The following L3HYPDH variants were observed in gnomAD, a reference collection of about 807,000 sequenced individuals.
L3HYPDH encodes trans-L-3-hydroxyproline dehydratase.
Under a neutral mutation model 26.5 loss-of-function variants are expected in L3HYPDH, and 32 were observed. The ratio of observed to expected loss-of-function variants is 1.21; its 90% CI spans 0.91 to 1.62. The LOEUF is 1.62. Ranked by LOEUF, L3HYPDH falls within the 40% of genes most tolerant of loss-of-function variation. L3HYPDH has a pLI of 0.00. For missense variants in L3HYPDH, 554 were observed against 476.4 expected, an observed-to-expected ratio of 1.16 and a Z score of -1.52; for synonymous variants, 215 against 196.6, an observed-to-expected ratio of 1.09 and a Z score of -0.78.
At chr14:59,484,852 T>C, upstream of L3HYPDH, 1 of 1,088,418 alleles carries the variant, frequency 9.2e-7, no homozygotes, top group Non-Finnish European at 1.3e-6. Flanking sequence ...GTCTCTTCAG[T>C]CCCTTAGTTT....
chr14:59,467,708 C>T (rs76757558), downstream of L3HYPDH, among the ~76,000 whole-genome samples: 3 of 152,200 alleles, frequency 2.0e-5, no homozygotes, highest in Non-Finnish European at 4.4e-5. Context: ...GCATCTCTCT[C>T]CTTGATGTGC....
the L3HYPDH span, among the ~76,000 whole-genome samples, chr14:59,490,706 T>A: frequency 3.9e-5 from 6 of 152,346 alleles, no homozygotes; most frequent in South Asian, 1.0e-3. Flanking sequence ...AAAAATACTT[T>A]AAAAATAGCA....
the L3HYPDH span, among the ~76,000 whole-genome samples, chr14:59,494,267 G>A: frequency 2.6e-5 from 4 of 151,624 alleles, no homozygotes; most frequent in African/African-American, 7.3e-5. Context: ...CAAAGAAAGT[G>A]AAAATTGAGC....
chr14:59,487,252 T>C (rs1890656171), upstream of L3HYPDH: 1 of 155,126 alleles, frequency 6.4e-6, no homozygotes, highest in Non-Finnish European at 1.4e-5. Context: ...GGCATTAATA[T>C]AGTCATTGTT....
the L3HYPDH span, chr14:59,501,406 T>C: frequency 1.7e-6 from 1 of 592,624 alleles, no homozygotes; most frequent in Non-Finnish European, 2.9e-6. Context: ...TGGTAGCTTT[T>C]GGCTTGTTAA....
At chr14:59,470,060 T>A (rs924797487), downstream of L3HYPDH, among the ~76,000 whole-genome samples, 3 of 152,154 alleles carry the variant, frequency 2.0e-5, no homozygotes, top group Admixed American at 2.0e-4. Context: ...TGTTTTATGT[T>A]TTTGGTTTTC....
chr14:59,485,118 T>G (rs755958108), upstream of L3HYPDH: 11 of 1,598,324 alleles, frequency 6.9e-6, no homozygotes, highest in African/African-American at 1.5e-4. Context: ...TTTTGCTTAG[T>G]AAGTGATAGG....
chr14:59,490,035 A>G, the L3HYPDH span, among the ~76,000 whole-genome samples: 1 of 152,028 alleles, frequency 6.6e-6, no homozygotes, highest in Non-Finnish European at 1.5e-5. Flanking sequence ...TGATCTTCCC[A>G]TCTCAGCCTT....
the L3HYPDH span, among the ~76,000 whole-genome samples, chr14:59,503,370 C>T: frequency 6.6e-6 from 1 of 152,116 alleles, no homozygotes; most frequent in African/African-American, 2.4e-5. Flanking sequence ...AAAAGAAAAT[C>T]AGAGTGTTCA....
the L3HYPDH span, chr14:59,495,225 G>C: frequency 1.3e-6 from 2 of 1,590,360 alleles, no homozygotes; most frequent in Non-Finnish European, 1.7e-6. Context: ...TCTACCCACT[G>C]TAAGTGTTTA....
upstream of L3HYPDH, among the ~76,000 whole-genome samples, chr14:59,489,301 T>C (rs991254917): frequency 2.0e-5 from 3 of 152,256 alleles, no homozygotes; most frequent in Admixed American, 6.5e-5. Flanking sequence ...TAATGATTTC[T>C]TCCACTAGAT....
Position 59,484,142 on chromosome 14 carries a change from C to T in L3HYPDH, c.175G>A (p.Asp59Asn), listed in dbSNP as rs1242891889. The part of the protein sequence containing the change: ...AKRRYMRQHL[D>N]HVRRRLMFEP... ...AACATGAGCCGTCGCCGCACGTGGT[C>T]AAGGTGCTGGCGCATGTAGCGCCGC... is the stretch of plus-strand genomic sequence containing the variant. The change falls in exon 1 of 5, where the codon GAC (aspartate) becomes AAC (asparagine). Residue 59 changes from aspartate to asparagine, a missense_variant. Transcript: ENST00000247194. 1 of 1,601,872 alleles carries T rather than the reference C, an allele frequency of 6.2e-7. No individual in the cohort carries two copies. Among genetic ancestry groups the T allele is most frequent in the Non-Finnish European group, 8.5e-7 (1 of 1,179,242 alleles).
At chr14:59,500,292 AGTTAACATTTGAAATTGTTCCAAAT>A in the L3HYPDH span, among the ~76,000 whole-genome samples, 1 of 152,212 alleles carries the variant, frequency 6.6e-6, no homozygotes, top group East Asian at 1.9e-4. Context: ...CTGAATCCTG[AGTTAACATTTGAAATTGTTCCAAAT>A]GGGTTCTACT....
At chr14:59,485,067 GGAAAT>G, upstream of L3HYPDH, 1 of 1,598,410 alleles carries the variant, frequency 6.3e-7, no homozygotes, top group South Asian at 1.1e-5. Flanking sequence ...GTTCGCTAAA[GGAAAT>G]GAAAGGAGAA....
chr14:59,496,242 A>G, the L3HYPDH span, among the ~76,000 whole-genome samples: 3 of 150,934 alleles, frequency 2.0e-5, no homozygotes, highest in African/African-American at 7.3e-5. Flanking sequence ...AAATTATTTT[A>G]TAGATATATA....
the L3HYPDH span, among the ~76,000 whole-genome samples, chr14:59,500,185 ACTGT>A: frequency 1.3e-5 from 2 of 152,166 alleles, no homozygotes; most frequent in African/African-American, 4.8e-5. Flanking sequence ...GGACCTAATA[ACTGT>A]CTATGAAATA....
At chr14:59,483,467 C>A in intron 1 of L3HYPDH, 1 of 1,198,996 alleles carries the variant, frequency 8.3e-7, no homozygotes. Context: ...CTGTTCTTCG[C>A]TCTTTCCTTG....
At chr14:59,484,630 T>C, upstream of L3HYPDH, 1 of 1,572,772 alleles carries the variant, frequency 6.4e-7, no homozygotes, top group Middle Eastern at 1.7e-4. Flanking sequence ...GCGTTTCTGG[T>C]AGTCCCGACT....
intron 2 of L3HYPDH, 69 bp from the exon 3 acceptor site, chr14:59,476,283 GGGT>G (rs1889626875): frequency 3.4e-6 from 4 of 1,190,380 alleles, no homozygotes; most frequent in Non-Finnish European, 4.7e-6. Context: ...TAATGCAGAT[GGGT>G]CATTCTTAGA....
Sources: allele counts gnomAD v4.1 joint callset (sites outside exome capture counted in the v4.1 genomes callset), GRCh38; gene constraint gnomAD v4.1.1; transcripts MANE v1.5; gene names NCBI Gene and HGNC (gene_info 2026-07-23, HGNC 2026-07-21).